GAK: variants seen among roughly 807,000 people sequenced by gnomAD.
GAK encodes cyclin G associated kinase.
GAK carries 79 observed loss-of-function variants against 143.9 expected under a neutral mutation model. The observed-to-expected ratio is 0.55, with a 90% CI of 0.46 to 0.66. The LOEUF is 0.66. Among genes scored for constraint, GAK ranks in the 30% least tolerant of loss-of-function variants. The pLI is 0.00. For missense variants in GAK, 1,693 were observed against 1,779.7 expected, an observed-to-expected ratio of 0.95 and a Z score of 0.88; for synonymous variants, 881 against 765.5, an observed-to-expected ratio of 1.15 and a Z score of -2.49.
Position 877,096 on chromosome 4 carries a change from C to T in GAK, c.1968G>A (p.Gln656=), listed in dbSNP as rs1449004134. The T allele has an allele frequency of 6.2e-7, 1 of 1,611,476 alleles. No homozygotes were observed. Among genetic ancestry groups the T allele is most frequent in the East Asian group, 2.2e-5 (1 of 44,858 alleles). ...AAGCCACAGGCTCTCTCACCTTGGC[C>T]TGCAGCCGGCCGCCCAGAGTGGACC... ...HARSTLGGRL[Q]AKMASMKMFQ... Residue 656 remains glutamine, a synonymous_variant, in exon 17 of 28, where the codon CAG becomes CAA. Coordinates refer to ENST00000314167, the MANE Select transcript of GAK (RefSeq NM_005255.4).
Position 904,108 on chromosome 4 carries a change from G to A in GAK, c.525+529C>T, listed in dbSNP as rs565158221. 7.2e-5 allele frequency among the ~76,000 whole-genome samples: 11 copies of A among 152,308 alleles called. 1 individual carries two copies. The highest frequency in any genetic ancestry group is 2.1e-4 in the South Asian group (1 of 4,826). ...GAGCCCCCCACAGAGGCTGTGAACC[G>A]CGTGTGGAGGGAGCCACTACCTTGT... is the stretch of plus-strand genomic sequence containing the variant. On this transcript the variant is annotated intron_variant, in intron 5 of 27. Coordinates refer to ENST00000314167, the MANE Select transcript of GAK (RefSeq NM_005255.4).
chr4:884,702 T>A (rs145001662), intron 11 of GAK, among the ~76,000 whole-genome samples: 236 of 152,332 alleles, frequency 1.5e-3, no homozygotes, highest in African/African-American at 4.3e-3. Context: ...GACAGGTTTA[T>A]CCCACAATTC....
chr4:877,978 T>C (rs1032541283), intron 15 of GAK, among the ~76,000 whole-genome samples, 169 bp from the exon 16 acceptor site: 5 of 137,088 alleles, frequency 3.6e-5, no homozygotes, highest in African/African-American at 8.4e-5. Flanking sequence ...TATATATATA[T>C]GTGTGTGTGT....
chr4:882,125 T>C (rs2152812115), intron 14 of GAK, 85 bp from the exon 15 acceptor site: 3 of 1,435,474 alleles, frequency 2.1e-6, no homozygotes, highest in Middle Eastern at 2.2e-4. Context: ...CTACCCACCC[T>C]GTGGCTGCAG....
chr4:928,507 G>A (rs1365477965), intron 1 of GAK, among the ~76,000 whole-genome samples: 3 of 152,202 alleles, frequency 2.0e-5, no homozygotes, highest in African/African-American at 7.2e-5. Flanking sequence ...CTCAACATGG[G>A]CGACAGAGCC....
At chr4:859,174 AGC>A (rs1749816535) in intron 24 of GAK, 1 of 984,760 alleles carries the variant, frequency 1.0e-6, no homozygotes, top group African/African-American at 1.7e-5. Context: ...CTCAGACCAC[AGC>A]GCCCGGGCCG....
At chr4:869,292 A>G (rs1266610508) in intron 19 of GAK, 1 of 148,402 alleles carries the variant, frequency 6.7e-6, no homozygotes, top group Non-Finnish European at 1.5e-5. Context: ...ACACAGATGC[A>G]CAGTACACAT....
chr4:859,431 G>A (rs755728745), intron 24 of GAK, 175 bp downstream of exon 24: 1 of 1,569,552 alleles, frequency 6.4e-7, no homozygotes, highest in East Asian at 2.3e-5. Context: ...CCAGTTGGCA[G>A]TCGCCTGGAA....
At chr4:891,507 T>C (rs977601824) in intron 9 of GAK, among the ~76,000 whole-genome samples, 2 of 152,156 alleles carry the variant, frequency 1.3e-5, no homozygotes, top group Admixed American at 1.3e-4. Context: ...CATCATGGAC[T>C]GTGTTTTCTG....
chr4:915,145 CACACAGCCCCAGTAT>C (rs1279504676), intron 1 of GAK, among the ~76,000 whole-genome samples: 3 of 148,656 alleles, frequency 2.0e-5, no homozygotes, highest in Non-Finnish European at 4.5e-5. Flanking sequence ...CGGCCCCACA[CACACAGCCCCAGTAT>C]ACACGGCCCC....
chr4:882,002 G>A lies in GAK; in HGVS notation c.1566C>T (p.Phe522=), dbSNP rs771972176. ...RAASAVAVCS[F]LCFCRLFSTA... ...TGCTGAAGAGACGGCAGAAGCACAG[G>A]AAGGAGCAGACGGCCACAGCAGACG... is the stretch of plus-strand genomic sequence containing the variant. The change falls in exon 15 of 28, where the codon TTC becomes TTT. Residue 522 remains phenylalanine (F), a synonymous_variant. Transcript: ENST00000314167. 2.2e-5 allele frequency: 35 copies of A among 1,607,198 alleles called. No homozygotes were observed. In the South Asian group the frequency reaches 3.4e-4, roughly 16 times the overall value.
intron 8 of GAK, 130 bp from the exon 9 acceptor site, chr4:893,619 G>A: frequency 2.7e-6 from 2 of 731,992 alleles, no homozygotes; most frequent in East Asian, 3.0e-5. Flanking sequence ...GAAGCAAGAA[G>A]GGAGCGGCAA....
rs1715377751 is a variant in GAK at position 882,653 on chromosome 4, A to G, written c.1527+44T>C. ...CTGTTGAACTATGCATGAAATAATG[A>G]ACTTTGACAGAAGACGGCGCCAGCC... is the stretch of plus-strand genomic sequence containing the variant. On this transcript the variant is annotated intron_variant, in intron 14 of 27. Transcript: ENST00000314167. 3.1e-6 allele frequency: 5 copies of G among 1,600,524 alleles called. No individual in the cohort carries two copies. The South Asian group carries it at 5.5e-5, about 18-fold the overall frequency.
chr4:914,656 A>G (rs1722754812), intron 1 of GAK, among the ~76,000 whole-genome samples: 2 of 100,242 alleles, frequency 2.0e-5, no homozygotes, highest in Non-Finnish European at 3.8e-5. Context: ...ACGGCCCCAC[A>G]CACACAGCCC....
chr4:859,008 C>T (rs558287780), intron 24 of GAK, among the ~76,000 whole-genome samples: 2 of 152,324 alleles, frequency 1.3e-5, no homozygotes, highest in East Asian at 1.9e-4. Flanking sequence ...AGATGATCAT[C>T]CCCCCGCCGC....
At chr4:896,423 G>A in intron 7 of GAK, 37 bp downstream of exon 7, 1 of 1,574,772 alleles carries the variant, frequency 6.4e-7, no homozygotes, top group Non-Finnish European at 8.7e-7. Context: ...AGGGCGCACG[G>A]AGCCAGGCAC....
rs530946909 is a variant in GAK at position 897,470 on chromosome 4, GAC to G, written c.651+561_651+562del. Among the ~76,000 whole-genome samples the G allele has an allele frequency of 1.5e-3, 232 of 152,314 alleles. 1 individual carries two copies. Among genetic ancestry groups the G allele is most frequent in the Admixed American group, 1.5e-3 (23 of 15,306 alleles). ...CGCAAGTTAACTCCTCCAGCTCCAAGACACAGGGTGAGAGCAGGCTACGTGTG... is the reference window on the plus strand; with the variant it reads ...CGCAAGTTAACTCCTCCAGCTCCAAGACAGGGTGAGAGCAGGCTACGTGTG... On this transcript the variant is annotated intron_variant, in intron 6 of 27. Coordinates refer to ENST00000314167, the MANE Select transcript of GAK (RefSeq NM_005255.4).
chr4:918,987 C>T (rs1053114780), intron 1 of GAK, among the ~76,000 whole-genome samples: 1 of 88,540 alleles, frequency 1.1e-5, no homozygotes, highest in Non-Finnish European at 2.4e-5. Flanking sequence ...GCCCCATGAC[C>T]TTAGAAAGAC....
chr4:883,709 C>T (rs1327442824), intron 12 of GAK, among the ~76,000 whole-genome samples: 1 of 152,264 alleles, frequency 6.6e-6, no homozygotes, highest in Non-Finnish European at 1.5e-5. Flanking sequence ...TTTCTGACAC[C>T]TGCCCTGTCT....
Sources: allele counts gnomAD v4.1 joint callset (sites outside exome capture counted in the v4.1 genomes callset), GRCh38; gene constraint gnomAD v4.1.1; transcripts MANE v1.5; gene names NCBI Gene and HGNC (gene_info 2026-07-23, HGNC 2026-07-21).